The following DSCAM variants were observed in gnomAD, a reference collection of about 807,000 sequenced individuals.
The protein encoded by DSCAM is DS cell adhesion molecule, also known as cell adhesion molecule DSCAM.
A neutral mutation model predicts 217.7 loss-of-function variants in DSCAM; 47 were observed. That is an observed-to-expected ratio of 0.22 (90% CI 0.17 to 0.28). DSCAM has a LOEUF of 0.28. Among genes scored for constraint, DSCAM ranks in the 10% least tolerant of loss-of-function variants. The pLI is 1.00. For missense variants in DSCAM, 2,080 were observed against 2,618.3 expected (o/e 0.79, Z 4.49); for synonymous variants, 1,056 against 1,015.3 (o/e 1.04, Z -0.76).
intron 3 of DSCAM, among the ~76,000 whole-genome samples, chr21:40,671,545 T>TGTGGTGG (rs1192841986): frequency 6.6e-6 from 1 of 150,964 alleles, no homozygotes; most frequent in African/African-American, 2.4e-5. Context: ...ATTAGCCAGG[T>TGTGGTGG]GTGGTGGGTG....
At chr21:40,162,378 G>A (rs2090549363) in intron 16 of DSCAM, among the ~76,000 whole-genome samples, 2 of 152,232 alleles carry the variant, frequency 1.3e-5, no homozygotes, top group Non-Finnish European at 2.9e-5. Context: ...AGTGCTGGAA[G>A]GTGCCTCCAA....
At chr21:40,104,066 G>A (rs1261286709) in intron 20 of DSCAM, among the ~76,000 whole-genome samples, 1 of 152,034 alleles carries the variant, frequency 6.6e-6, no homozygotes, top group African/African-American at 2.4e-5. Context: ...TAGCCCAGGT[G>A]GCATTACAGA....
chr21:40,534,959 T>G (rs1181324389), intron 3 of DSCAM, among the ~76,000 whole-genome samples: 3 of 152,098 alleles, frequency 2.0e-5, no homozygotes, highest in Non-Finnish European at 4.4e-5. Flanking sequence ...GGTTCCAGCT[T>G]GGGGCAAGAG....
At chr21:40,480,684 C>T (rs947218817) in intron 3 of DSCAM, among the ~76,000 whole-genome samples, 1 of 152,156 alleles carries the variant, frequency 6.6e-6, no homozygotes, top group African/African-American at 2.4e-5. Flanking sequence ...AGGCCTCGTG[C>T]TGGACTGTCA....
At chr21:40,746,682 A>G (rs923330457) in intron 1 of DSCAM, among the ~76,000 whole-genome samples, 6 of 151,922 alleles carry the variant, frequency 3.9e-5, no homozygotes, top group African/African-American at 1.4e-4. Context: ...AAACCAACAA[A>G]GAGACGTTGG....
At chr21:40,225,515 T>C (rs2091324536) in intron 11 of DSCAM, among the ~76,000 whole-genome samples, 1 of 152,118 alleles carries the variant, frequency 6.6e-6, no homozygotes, top group Admixed American at 6.5e-5. Context: ...CTGCCAGATA[T>C]GAAAGAAGCC....
chr21:40,752,690 GAAC>G (rs1215538927), intron 1 of DSCAM, among the ~76,000 whole-genome samples: 3 of 151,988 alleles, frequency 2.0e-5, no homozygotes, highest in Admixed American at 6.6e-5. Flanking sequence ...CTGTCCAACA[GAAC>G]AACAACAACA....
chr21:40,519,493 C>A (rs548696215), intron 3 of DSCAM, among the ~76,000 whole-genome samples: 1 of 152,120 alleles, frequency 6.6e-6, no homozygotes, highest in South Asian at 2.1e-4. Context: ...AGACCCCTTG[C>A]CCCTTTGGCC....
chr21:40,223,782 GAGAATGAC>G (rs1209138908), intron 11 of DSCAM, among the ~76,000 whole-genome samples: 1 of 152,230 alleles, frequency 6.6e-6, no homozygotes, highest in Non-Finnish European at 1.5e-5. Flanking sequence ...TTCTGAGTAT[GAGAATGAC>G]AACACTTATG....
At chr21:40,767,407 G>C (rs1167131743) in intron 1 of DSCAM, among the ~76,000 whole-genome samples, 1 of 152,194 alleles carries the variant, frequency 6.6e-6, no homozygotes, top group African/African-American at 2.4e-5. Flanking sequence ...CAAGCACGAA[G>C]CAGGTACAGG....
At chr21:40,280,181 C>CCTT (rs556929856) in intron 10 of DSCAM, among the ~76,000 whole-genome samples, 1 of 118,920 alleles carries the variant, frequency 8.4e-6, no homozygotes, top group East Asian at 2.5e-4. Flanking sequence ...ATTTTGGTGC[C>CCTT]TTTTTTTTTT....
At chr21:40,258,191 C>T (rs779568546) in intron 11 of DSCAM, among the ~76,000 whole-genome samples, 2 of 152,168 alleles carry the variant, frequency 1.3e-5, no homozygotes, top group Non-Finnish European at 2.9e-5. Context: ...GCGATGAAAA[C>T]CTAAAAGCAT....
chr21:40,623,769 AT>A (rs1307840987), intron 3 of DSCAM, among the ~76,000 whole-genome samples: 2 of 152,212 alleles, frequency 1.3e-5, no homozygotes, highest in Non-Finnish European at 2.9e-5. Flanking sequence ...AGACTTTCAT[AT>A]GTAAATATGT....
intron 3 of DSCAM, among the ~76,000 whole-genome samples, chr21:40,419,232 C>T (rs190457945): frequency 2.0e-5 from 3 of 151,852 alleles, no homozygotes; most frequent in Non-Finnish European, 4.4e-5. Context: ...CCGCCTGCCT[C>T]AGCCTCCCAA....
intron 3 of DSCAM, among the ~76,000 whole-genome samples, chr21:40,510,267 T>C (rs1396607877): frequency 6.6e-6 from 1 of 152,196 alleles, no homozygotes; most frequent in Non-Finnish European, 1.5e-5. Flanking sequence ...AAAAAGACTA[T>C]GAAATTGAAG....
rs2074449468 is a variant in DSCAM, at chr21:40,338,238, C to T, written c.1646G>A (p.Arg549His). 1.9e-6 allele frequency: 3 copies of T among 1,614,088 alleles called. No individual in the cohort carries two copies. The highest frequency in any genetic ancestry group is 1.6e-4 in the Middle Eastern group (1 of 6,084). The change falls in exon 8 of 33, where the codon CGC becomes CAC. Residue 549 changes from arginine to histidine, a missense_variant. Arg to His is a conservative substitution (Grantham distance 29, BLOSUM62 0). This residue lies in a region of DSCAM where 218 missense variants were observed against 364.1 expected (regional missense o/e 0.60). Coordinates refer to ENST00000400454, the MANE Select transcript of DSCAM (RefSeq NM_001389.5). Reference protein sequence around the residue: ...KNSNLLPFNHRQVAFENNGTL... With the variant: ...KNSNLLPFNHHQVAFENNGTL... ...TCCATTGTTCTCAAATGCCACTTGG[C>T]GGTGGTTGAAAGGAAGCAGGTTAGA...
At position 40,013,321 on chromosome 21, in the gene DSCAM, T is replaced by C; in HGVS notation, c.5752A>G (p.Thr1918Ala). The change falls in exon 33 of 33, where the codon ACC becomes GCC. Residue 1918 changes from threonine to alanine, a missense_variant. Coordinates refer to ENST00000400454, the MANE Select transcript of DSCAM (RefSeq NM_001389.5). The part of the protein sequence containing the change: ...DFLLNRGGPG[T>A]SRDLSLGQAC... ...TGTCCTAAGCTCAGGTCCCTGCTGG[T>C]GCCTGGACCACCTCGGTTTAACAAA... 2 of 1,610,060 alleles carry C rather than the reference T, an allele frequency of 1.2e-6. No individual in the cohort carries two copies. The highest frequency in any genetic ancestry group is 1.7e-5 in the Admixed American group (1 of 59,324).
chr21:40,763,025 A>G (rs1413036370), intron 1 of DSCAM, among the ~76,000 whole-genome samples: 1 of 152,208 alleles, frequency 6.6e-6, no homozygotes, highest in African/African-American at 2.4e-5. Context: ...CCCTTTGAAA[A>G]CTGGCACAAG....
At chr21:40,440,285 G>T (rs181392524) in intron 3 of DSCAM, among the ~76,000 whole-genome samples, 3 of 152,216 alleles carry the variant, frequency 2.0e-5, no homozygotes, top group South Asian at 2.1e-4. Flanking sequence ...AAGTCCAAAG[G>T]CTCAGGCCTG....
Sources: gnomAD v4.1 joint callset for allele counts (sites outside exome capture counted in the v4.1 genomes callset) on GRCh38, gnomAD v4.1.1 for gene constraint, gnomAD v4.1.1 regional missense constraint, MANE v1.5 for transcripts, NCBI Gene and HGNC (gene_info 2026-07-23, HGNC 2026-07-21) for gene names.